The following SLC2A9 variants were observed in gnomAD, a reference collection of about 807,000 sequenced individuals.
The protein encoded by SLC2A9 is solute carrier family 2, facilitated glucose transporter member 9.
SLC2A9 carries 39 observed loss-of-function variants against 50.6 expected under a neutral mutation model. The observed-to-expected ratio is 0.77, with a 90% CI of 0.60 to 1.01. The LOEUF is 1.01. Ranked by LOEUF, SLC2A9 falls within the 50% of genes least tolerant of loss-of-function variation. SLC2A9 has a pLI of 0.00. For synonymous variants in SLC2A9, 324 were observed against 276.9 expected (o/e 1.17, Z -1.69); for missense variants, 686 against 677.6 (o/e 1.01, Z -0.14).
rs562006406 is a variant in SLC2A9 at position 9,949,184 on chromosome 4, CTA to C, written c.682-7141_682-7140del. ...ATGTGCTTTTTATGGGTGTGTTTCC[CTA>C]TAGACGGAGCTCCTGAAGGGCCACC... On this transcript the variant is annotated intron_variant, in intron 5 of 11. Coordinates refer to ENST00000264784, the MANE Select transcript of SLC2A9 (RefSeq NM_020041.3). Among the ~76,000 whole-genome samples, 21 of 152,198 alleles carry C rather than the reference CTA, an allele frequency of 1.4e-4. No individual in the cohort carries two copies. In the South Asian group the frequency reaches 4.4e-3, roughly 32 times the overall value.
At chr4:10,016,649 C>T (rs983753421) in intron 2 of SLC2A9, among the ~76,000 whole-genome samples, 3 of 152,110 alleles carry the variant, frequency 2.0e-5, no homozygotes, top group Admixed American at 2.0e-4. Context: ...TACCTCTAAG[C>T]TCTGGCCCCT....
chr4:9,883,506 A>T (rs1204194733), intron 10 of SLC2A9, among the ~76,000 whole-genome samples: 1 of 152,222 alleles, frequency 6.6e-6, no homozygotes, highest in Non-Finnish European at 1.5e-5. Flanking sequence ...TTGCAAGCCC[A>T]TCTTGCACAG....
chr4:9,878,367 C>T (rs1734628221), intron 10 of SLC2A9, among the ~76,000 whole-genome samples: 1 of 151,948 alleles, frequency 6.6e-6, no homozygotes, highest in African/African-American at 2.4e-5. Flanking sequence ...CTTCCAGCCT[C>T]TAAGGAAGGG....
chr4:9,908,632 C>G (rs1406857059), intron 7 of SLC2A9, among the ~76,000 whole-genome samples: 1 of 151,576 alleles, frequency 6.6e-6, no homozygotes, highest in African/African-American at 2.4e-5. Context: ...ATACATGTGC[C>G]ATGTTGGTGT....
At position 10,019,056 on chromosome 4, in the gene SLC2A9, G is replaced by T; in HGVS notation, c.168C>A (p.Leu56=). Residue 56 remains leucine, a synonymous_variant, in exon 2 of 12, where the codon CTC becomes CTA. Transcript: ENST00000264784. The part of the protein sequence containing the change: ...GRRRKDWSCS[L]LVASLAGAFG... ...AGGCGCCCGCGAGGGAGGCCACGAG[G>T]AGCGAGCAGGACCAGTCCTGAGGGG... The T allele has an allele frequency of 6.4e-7, 1 of 1,551,198 alleles. No individual in the cohort carries two copies. Among genetic ancestry groups the T allele is most frequent in the Non-Finnish European group, 8.7e-7 (1 of 1,146,960 alleles).
intron 8 of SLC2A9, among the ~76,000 whole-genome samples, chr4:9,900,049 T>C (rs1485913245): frequency 6.6e-6 from 1 of 152,056 alleles, no homozygotes; most frequent in Non-Finnish European, 1.5e-5. Context: ...TCTTGGAAAT[T>C]TGGGCAAGTA....
At chr4:10,036,630 G>A (rs9291645) in intron 1 of SLC2A9, among the ~76,000 whole-genome samples, 51,138 of 151,956 alleles carry the variant, frequency 0.34, 10,287 homozygotes, top group African/African-American at 0.56. Flanking sequence ...TCTTTTACTC[G>A]GCCATATTTC....
chr4:9,777,550 C>G (rs1447246804), downstream of SLC2A9, among the ~76,000 whole-genome samples: 1 of 21,140 alleles, frequency 4.7e-5, no homozygotes, highest in Non-Finnish European at 1.7e-4. Context: ...AAACAAATGT[C>G]AGTGTGTGGC....
At chr4:9,784,936 T>C (rs1267281294) in intron 3 of SLC2A9, among the ~76,000 whole-genome samples, 1 of 152,222 alleles carries the variant, frequency 6.6e-6, no homozygotes, top group African/African-American at 2.4e-5. Flanking sequence ...TCCTGGCACA[T>C]AGTGCTTAAT....
At chr4:9,971,797 A>T (rs969726691) in intron 5 of SLC2A9, among the ~76,000 whole-genome samples, 1 of 152,266 alleles carries the variant, frequency 6.6e-6, no homozygotes, top group Admixed American at 6.5e-5. Context: ...TGAAAGGAAG[A>T]TTCTCATATA....
At chr4:9,872,324 G>T (rs1216864665) in intron 10 of SLC2A9, among the ~76,000 whole-genome samples, 1 of 152,166 alleles carries the variant, frequency 6.6e-6, no homozygotes, top group Non-Finnish European at 1.5e-5. Flanking sequence ...AGGAATGAGG[G>T]CTCAGAAATG....
chr4:9,967,754 A>G (rs547580190), intron 5 of SLC2A9, among the ~76,000 whole-genome samples: 1 of 152,108 alleles, frequency 6.6e-6, no homozygotes, highest in South Asian at 2.1e-4. Context: ...TTTACATTAA[A>G]AAATCTTGCC....
chr4:9,891,027 C>A (rs542841775), intron 8 of SLC2A9, among the ~76,000 whole-genome samples: 118 of 152,356 alleles, frequency 7.7e-4, no homozygotes, highest in African/African-American at 2.8e-3. Context: ...ATGGTCACCA[C>A]AGCCCTTCTC....
chr4:9,782,009 G>A (rs542146372), intron 3 of SLC2A9: 18 of 1,436,550 alleles, frequency 1.3e-5, no homozygotes, highest in Admixed American at 2.8e-5. Flanking sequence ...CGCACAGACC[G>A]CCCCTGCAGT....
intron 1 of SLC2A9, among the ~76,000 whole-genome samples, chr4:10,038,540 C>G (rs1764179798): frequency 7.0e-6 from 1 of 142,006 alleles, no homozygotes; most frequent in African/African-American, 2.6e-5. Flanking sequence ...AAAATTAGTT[C>G]AGACAAGTGG....
chr4:9,819,731 C>A (rs1031819330), intron 3 of SLC2A9, among the ~76,000 whole-genome samples: 2 of 152,252 alleles, frequency 1.3e-5, no homozygotes. Flanking sequence ...GTCAGGCATT[C>A]AAGACCAGCC....
At chr4:9,862,630 T>G (rs369008211) in intron 10 of SLC2A9, among the ~76,000 whole-genome samples, 1 of 151,952 alleles carries the variant, frequency 6.6e-6, no homozygotes, top group African/African-American at 2.4e-5. Flanking sequence ...TCAGGACCTT[T>G]GCACATTCTT....
intron 6 of SLC2A9, among the ~76,000 whole-genome samples, chr4:9,936,489 C>A (rs1326346145): frequency 1.3e-5 from 2 of 152,166 alleles, no homozygotes; most frequent in Non-Finnish European, 2.9e-5. Flanking sequence ...ATACTAGCAG[C>A]AACATTACCA....
At chr4:9,835,135 C>G (rs1037630856) in intron 10 of SLC2A9, 127 bp from the exon 11 acceptor site, 1 of 1,356,260 alleles carries the variant, frequency 7.4e-7, no homozygotes. Context: ...GTAGTGGGCC[C>G]CAGTTCCTGA....
Sources: allele counts gnomAD v4.1 joint callset (sites outside exome capture counted in the v4.1 genomes callset), GRCh38; gene constraint gnomAD v4.1.1; transcripts MANE v1.5; gene names NCBI Gene and HGNC (gene_info 2026-07-23, HGNC 2026-07-21).